SPOCK2: variants seen among roughly 807,000 people sequenced by gnomAD.
SPOCK2 encodes the protein testican-2.
A neutral mutation model predicts 60.1 loss-of-function variants in SPOCK2; 39 were observed. That is an observed-to-expected ratio of 0.65 (90% CI 0.50 to 0.85). The LOEUF (loss-of-function observed/expected upper bound fraction) is 0.85, where lower values mean the gene tolerates loss of function less well. Among genes scored for constraint, SPOCK2 ranks in the 40% least tolerant of loss-of-function variants. SPOCK2 has a pLI of 0.00. For missense variants in SPOCK2, 523 were observed against 567.4 expected (o/e 0.92, Z 0.80); for synonymous variants, 217 against 231.5 (o/e 0.94, Z 0.57).
At chr10:72,082,781 G>A (rs1436251146) in intron 1 of SPOCK2, among the ~76,000 whole-genome samples, 1 of 149,800 alleles carries the variant, frequency 6.7e-6, no homozygotes, top group Non-Finnish European at 1.5e-5. Flanking sequence ...TTGAGTCCAG[G>A]AGGTGGAGGT....
intron 2 of SPOCK2, 23 bp downstream of exon 2, chr10:72,072,879 G>T: frequency 6.4e-7 from 1 of 1,553,512 alleles, no homozygotes; most frequent in Non-Finnish European, 8.7e-7. Context: ...ACCACACAGA[G>T]TGGGGTCCTG....
intron 1 of SPOCK2, among the ~76,000 whole-genome samples, chr10:72,077,914 C>T (rs1840735354): frequency 6.6e-6 from 1 of 152,210 alleles, no homozygotes; most frequent in Non-Finnish European, 1.5e-5. Context: ...TGCAGCGCCT[C>T]CTGAGGGTCT....
At chr10:72,064,857 A>G (rs889903673) in intron 8 of SPOCK2, among the ~76,000 whole-genome samples, 1 of 150,632 alleles carries the variant, frequency 6.6e-6, no homozygotes, top group African/African-American at 2.4e-5. Flanking sequence ...CAGCCTCCCG[A>G]GCAGCTGGGA....
chr10:72,086,710 C>T (rs1840860674), intron 1 of SPOCK2: 1 of 1,363,082 alleles, frequency 7.3e-7, no homozygotes, highest in Non-Finnish European at 9.5e-7. Flanking sequence ...CAGCCCATCG[C>T]GGGGCCCGGC....
Position 72,062,857 on chromosome 10 carries a change from TC to T in SPOCK2, c.1177del (p.Glu393ArgfsTer49). ...CTCCGTCTCCTTCTCCTCCTCATCC[TC>T]CCAGCCGACACCGCTTCCAAAGTCC... ...SGDFGSGVGW[E>X]DEEEKETEEA... On this transcript the variant is annotated frameshift_variant, in exon 11 of 11. Coordinates refer to ENST00000373109, the MANE Select transcript of SPOCK2 (RefSeq NM_001244950.2). LOFTEE classifies it high-confidence loss of function. This position sits in a 1 kb window ranked among gnomAD's most constrained non-coding sequence, Gnocchi z 4.3. The T allele has an allele frequency of 6.2e-7, 1 of 1,602,098 alleles. No homozygotes were observed.
chr10:72,078,382 G>A (rs947448782), intron 1 of SPOCK2, among the ~76,000 whole-genome samples: 1 of 151,848 alleles, frequency 6.6e-6, no homozygotes, highest in African/African-American at 2.4e-5. Context: ...GTGATGGCGG[G>A]CGCCTGTAGT....
At chr10:72,082,165 T>C (rs1055438375) in intron 1 of SPOCK2, among the ~76,000 whole-genome samples, 7 of 152,224 alleles carry the variant, frequency 4.6e-5, no homozygotes, top group Non-Finnish European at 1.5e-5. Context: ...AAATGAGTTA[T>C]GGCCAATAAA....
At chr10:72,069,468 C>CTTTTTTT (rs869082110) in intron 5 of SPOCK2, among the ~76,000 whole-genome samples, 1 of 138,600 alleles carries the variant, frequency 7.2e-6, no homozygotes, top group East Asian at 2.1e-4. Flanking sequence ...TTCTATGTTA[C>CTTTTTTT]TTTTTTTTTT....
intron 1 of SPOCK2, among the ~76,000 whole-genome samples, chr10:72,074,981 T>G (rs1170693354): frequency 6.6e-6 from 1 of 151,718 alleles, no homozygotes; most frequent in African/African-American, 2.4e-5. Flanking sequence ...TGGGAGCCTG[T>G]GGGGCACCTG....
At chr10:72,082,918 G>A (rs539057710) in intron 1 of SPOCK2, among the ~76,000 whole-genome samples, 1 of 109,878 alleles carries the variant, frequency 9.1e-6, no homozygotes, top group Non-Finnish European at 1.8e-5. Flanking sequence ...TCTCAGCCAT[G>A]TGAGGCTATA....
intron 9 of SPOCK2, among the ~76,000 whole-genome samples, chr10:72,063,804 C>T (rs557787836): frequency 6.6e-6 from 1 of 152,296 alleles, no homozygotes; most frequent in Non-Finnish European, 1.5e-5. Context: ...GGGCCGGCCC[C>T]CAGGTGTTTA....
At chr10:72,081,902 T>C (rs969329497) in intron 1 of SPOCK2, among the ~76,000 whole-genome samples, 1 of 152,068 alleles carries the variant, frequency 6.6e-6, no homozygotes, top group Non-Finnish European at 1.5e-5. Flanking sequence ...ACGGGCTGGA[T>C]GAGATCCTGT....
chr10:72,062,796 C>T lies in SPOCK2; in HGVS notation c.1239G>A (p.Glu413=). The change falls in exon 11 of 11, where the codon GAG becomes GAA. Residue 413 remains glutamate, a synonymous_variant. Coordinates refer to ENST00000373109, the MANE Select transcript of SPOCK2 (RefSeq NM_001244950.2). This position sits in a 1 kb window ranked among gnomAD's most constrained non-coding sequence, Gnocchi z 4.3. ...AGEEAEEEEG[E]AGEADDGGYI... The stretch of plus-strand genomic sequence containing the variant: ...AGCCCCCGTCGTCAGCCTCGCCTGC[C>T]TCGCCCTCCTCCTCCTCGGCCTCCT... The T allele has an allele frequency of 6.2e-7, 1 of 1,609,604 alleles. No homozygotes were observed. Among genetic ancestry groups the T allele is most frequent in the Non-Finnish European group, 8.5e-7 (1 of 1,179,916 alleles).
chr10:72,077,971 C>T (rs909383455), intron 1 of SPOCK2, among the ~76,000 whole-genome samples: 9 of 152,188 alleles, frequency 5.9e-5, no homozygotes, highest in Admixed American at 5.2e-4. Context: ...CCGGATCCTT[C>T]CAAAACACAA....
At chr10:72,068,141 G>A (rs1395325769) in intron 6 of SPOCK2, 46 bp downstream of exon 6, 1 of 1,566,162 alleles carries the variant, frequency 6.4e-7, no homozygotes, top group Non-Finnish European at 8.7e-7. Flanking sequence ...GAGGTGCCAG[G>A]TGGCCCTTCA....
At chr10:72,086,999 AAGG>A (rs1840867198) in intron 1 of SPOCK2, 2 of 1,551,310 alleles carry the variant, frequency 1.3e-6, no homozygotes, top group Non-Finnish European at 8.7e-7. Flanking sequence ...GAACCTGGGG[AAGG>A]AGGAGTAAGG....
At chr10:72,071,499 C>T (rs1025558161) in intron 4 of SPOCK2, among the ~76,000 whole-genome samples, 3 of 152,182 alleles carry the variant, frequency 2.0e-5, no homozygotes, top group Non-Finnish European at 2.9e-5. Context: ...GGAGCTAAGG[C>T]TTCCTTAAAT....
In SPOCK2 at chr10:72,061,125, C is replaced by G. The variant is rs943644577; in HGVS notation, c.*1635G>C. 1.3e-5 allele frequency: 2 copies of G among 152,776 alleles called. No homozygotes were observed. Among genetic ancestry groups the G allele is most frequent in the African/African-American group, 4.8e-5 (2 of 41,444 alleles). The allele number at this position is 152,776 out of a possible 1,614,324, so 9.5% of individuals were successfully genotyped here. A position where few individuals can be genotyped will look rare whatever the true frequency, so the allele number is the denominator to read the frequency against. On this transcript the variant is annotated 3_prime_UTR_variant, in exon 11 of 11. Coordinates refer to ENST00000373109, the MANE Select transcript of SPOCK2 (RefSeq NM_001244950.2). The stretch of plus-strand genomic sequence containing the variant: ...CAAGTCTGGGTAAGAAATTCTCCAC[C>G]AAAGGTGTTAAGGAATTTGCTTTGC...
chr10:72,072,070 AAGG>A (rs1840653824), intron 4 of SPOCK2, 71 bp downstream of exon 4: 1 of 1,229,496 alleles, frequency 8.1e-7, no homozygotes, highest in South Asian at 1.9e-5. Flanking sequence ...GCTAATTCAT[AAGG>A]AGAGGGTCAG....
Sources: gnomAD v4.1 joint callset for allele counts (sites outside exome capture counted in the v4.1 genomes callset) on GRCh38, gnomAD v4.1.1 for gene constraint, Gnocchi (gnomAD v3.1) non-coding constraint, MANE v1.5 for transcripts, NCBI Gene and HGNC (gene_info 2026-07-23, HGNC 2026-07-21) for gene names.